The following MARCO variants were observed in gnomAD, a reference collection of about 807,000 sequenced individuals.
MARCO encodes macrophage receptor MARCO.
A neutral mutation model predicts 70.0 loss-of-function variants in MARCO; 72 were observed. That is an observed-to-expected ratio of 1.03 (90% CI 0.85 to 1.25). The LOEUF (loss-of-function observed/expected upper bound fraction) is 1.25, where lower values mean the gene tolerates loss of function less well. MARCO is among the 50% of genes most tolerant of loss of function. MARCO has a pLI of 0.00. For synonymous variants in MARCO, 273 were observed against 243.1 expected, an observed-to-expected ratio of 1.12 and a Z score of -1.14; for missense variants, 696 against 659.3, an observed-to-expected ratio of 1.06 and a Z score of -0.61.
Position 118,971,375 on chromosome 2 carries a change from A to G in MARCO, c.425-124A>G, listed in dbSNP as rs1680167304. 4 of 923,200 alleles carry G rather than the reference A, an allele frequency of 4.3e-6. No individual in the cohort carries two copies. In the Admixed American group the frequency reaches 5.9e-5, roughly 14 times the overall value. The allele number at this position is 923,200 out of a possible 1,614,324, so 57.2% of individuals were successfully genotyped here. A position where few individuals can be genotyped will look rare whatever the true frequency, so the allele number is the denominator to read the frequency against. ...TGGCTCCTGTTGTCCAAACCCCCAC[A>G]GTCTGATGGGAGCCCCACACAGGAG... is the stretch of plus-strand genomic sequence containing the variant. On this transcript the variant is annotated intron_variant, in intron 3 of 16. Coordinates refer to ENST00000327097, the MANE Select transcript of MARCO (RefSeq NM_006770.4).
At chr2:118,964,449 C>CT (rs925566977) in intron 1 of MARCO, among the ~76,000 whole-genome samples, 1 of 152,130 alleles carries the variant, frequency 6.6e-6, no homozygotes, top group Non-Finnish European at 1.5e-5. Context: ...CTGAGAGTGT[C>CT]TTTATTTCTT....
chr2:118,944,925 G>A (rs1679567419), intron 1 of MARCO: 2 of 152,160 alleles, frequency 1.3e-5, no homozygotes, highest in South Asian at 4.1e-4. Context: ...CTAGAATTAA[G>A]GTACTCTTTC....
chr2:118,946,814 C>T (rs1679609886), intron 1 of MARCO, among the ~76,000 whole-genome samples: 1 of 152,220 alleles, frequency 6.6e-6, no homozygotes, highest in Non-Finnish European at 1.5e-5. Context: ...TCTGCAACCT[C>T]GTCAACATTT....
At chr2:118,947,908 C>G (rs1031638108) in intron 1 of MARCO, among the ~76,000 whole-genome samples, 5 of 152,246 alleles carry the variant, frequency 3.3e-5, no homozygotes, top group Non-Finnish European at 7.4e-5. Flanking sequence ...TTGTGTTACA[C>G]CTATAGATAA....
Position 118,994,567 on chromosome 2 carries a change from ATATG to A in MARCO, c.*49_*52del. 1 of 1,520,700 alleles carries A rather than the reference ATATG, an allele frequency of 6.6e-7. No homozygotes were observed. Among genetic ancestry groups the A allele is most frequent in the Non-Finnish European group, 8.8e-7 (1 of 1,136,736 alleles). The allele number at this position is 1,520,700 out of a possible 1,614,324, so 94.2% of individuals were successfully genotyped here. A position where few individuals can be genotyped will look rare whatever the true frequency, so the allele number is the denominator to read the frequency against. On this transcript the variant is annotated 3_prime_UTR_variant, in exon 17 of 17. Coordinates refer to ENST00000327097, the MANE Select transcript of MARCO (RefSeq NM_006770.4). ...CTGCTCCCGAGGTGTCCTCGGGCTC[ATATG>A]TGGGAAGGCAGAGGATCTCTGAGGA...
At position 118,989,479 on chromosome 2, in the gene MARCO, G is replaced by C. The variant is rs190923237; in HGVS notation, c.1064-1110G>C. Among the ~76,000 whole-genome samples the C allele has an allele frequency of 2.4e-3, 366 of 152,256 alleles. 1 individual carries two copies. The highest frequency in any genetic ancestry group is 7.9e-3 in the African/African-American group (329 of 41,536). On this transcript the variant is annotated intron_variant, in intron 12 of 16. Transcript: ENST00000327097. ...CTTAGCTCTCCAGCCCTCCTCCCCA[G>C]GCAGCACCAGGCCTGGAGGTGGGAT...
At chr2:118,951,035 CT>C (rs1296466685) in intron 1 of MARCO, among the ~76,000 whole-genome samples, 2 of 152,212 alleles carry the variant, frequency 1.3e-5, no homozygotes, top group Admixed American at 1.3e-4. Flanking sequence ...CTATAGATGA[CT>C]CCTTCCTGAA....
At position 118,981,602 on chromosome 2, in the gene MARCO, A is replaced by G. The variant is rs1680393524; in HGVS notation, c.866-19A>G. On this transcript the variant is annotated intron_variant, in intron 9 of 16. Coordinates refer to ENST00000327097, the MANE Select transcript of MARCO (RefSeq NM_006770.4). ...AGCCAAAGGAAAAAAAAATTCCTAA[A>G]AGTTCTTTTTCATCTTAGGTTTGGC... is the stretch of plus-strand genomic sequence containing the variant. 1 of 1,611,842 alleles carries G rather than the reference A, an allele frequency of 6.2e-7. No homozygotes were observed.
chr2:118,979,588 GT>G (rs1194898335), intron 8 of MARCO, among the ~76,000 whole-genome samples: 11 of 152,310 alleles, frequency 7.2e-5, no homozygotes, highest in Non-Finnish European at 1.0e-4. Flanking sequence ...CTGAGTCTGA[GT>G]TATGCAGCTT....
Position 118,970,105 on chromosome 2 carries a change from G to A in MARCO, c.200-9G>A. On this transcript the variant is annotated splice_polypyrimidine_tract_variant and intron_variant, in intron 2 of 16. Coordinates refer to ENST00000327097, the MANE Select transcript of MARCO (RefSeq NM_006770.4). Reference sequence around the variant, plus strand: ...AGTCCCTAAAAGAATGCTGTGGGGTGGGGCCCAGTTCTGAATCTGCAGGCG... The same window carrying A: ...AGTCCCTAAAAGAATGCTGTGGGGTAGGGCCCAGTTCTGAATCTGCAGGCG... 1 of 1,611,274 alleles carries A rather than the reference G, an allele frequency of 6.2e-7. No homozygotes were observed. Among genetic ancestry groups the A allele is most frequent in the Non-Finnish European group, 8.5e-7 (1 of 1,177,744 alleles).
chr2:118,957,578 A>G (rs1284914326), intron 1 of MARCO, among the ~76,000 whole-genome samples: 1 of 152,098 alleles, frequency 6.6e-6, no homozygotes, highest in Non-Finnish European at 1.5e-5. Flanking sequence ...CAGACATTAA[A>G]AGAAGAATAC....
chr2:118,955,750 A>C (rs968973348), intron 1 of MARCO, among the ~76,000 whole-genome samples: 6 of 152,214 alleles, frequency 3.9e-5, no homozygotes, highest in Non-Finnish European at 7.3e-5. Context: ...TTAACAGCAG[A>C]TTTCTCAGCA....
rs556698335 is a variant in MARCO, at chr2:118,957,228, T to TAGA, written c.98-11931_98-11929dup. 3.1e-3 allele frequency among the ~76,000 whole-genome samples: 470 copies of TAGA among 151,968 alleles called. 6 individuals carry two copies. The highest frequency in any genetic ancestry group is 0.017 in the Middle Eastern group (5 of 294). ...TTCTTTAAAATATAAACAAAATTGA[T>TAGA]AGACCGTTAACAAGATAAACGAAGG... On this transcript the variant is annotated intron_variant, in intron 1 of 16. Transcript: ENST00000327097.
chr2:118,973,714 T>G lies in MARCO; in HGVS notation c.461-619T>G, dbSNP rs568449166. ...ACTGGAGGCAGCCTGCCGGTGGAAC[T>G]GCCTTCCCACGCAGGCTGCCTGGAA... On this transcript the variant is annotated intron_variant, in intron 4 of 16. Coordinates refer to ENST00000327097, the MANE Select transcript of MARCO (RefSeq NM_006770.4). 2.0e-5 allele frequency among the ~76,000 whole-genome samples: 3 copies of G among 152,276 alleles called. No individual in the cohort carries two copies. The East Asian group carries it at 5.8e-4, about 29-fold the overall frequency.
At chr2:118,961,406 C>T (rs183750549) in intron 1 of MARCO, among the ~76,000 whole-genome samples, 30 of 152,318 alleles carry the variant, frequency 2.0e-4, no homozygotes, top group African/African-American at 7.2e-4. Context: ...TAATAATCCC[C>T]ATTCTGACTG....
At chr2:118,949,443 G>A (rs1679675851) in intron 1 of MARCO, 1 of 152,204 alleles carries the variant, frequency 6.6e-6, no homozygotes, top group African/African-American at 2.4e-5. Flanking sequence ...CATGAGGCGA[G>A]TCATAGTTTG....
At chr2:118,989,574 A>G (rs1387350884) in intron 12 of MARCO, among the ~76,000 whole-genome samples, 1 of 152,216 alleles carries the variant, frequency 6.6e-6, no homozygotes, top group Non-Finnish European at 1.5e-5. Flanking sequence ...GAGGTCTGCC[A>G]GCCCCTTGCC....
chr2:118,947,612 G>A (rs911269962), intron 1 of MARCO, among the ~76,000 whole-genome samples: 2 of 136,930 alleles, frequency 1.5e-5, no homozygotes, highest in Admixed American at 6.9e-5. Flanking sequence ...CTGTTGAATT[G>A]CTTTTACACC....
chr2:118,949,812 C>T (rs1478303941), intron 1 of MARCO: 1 of 152,164 alleles, frequency 6.6e-6, no homozygotes, highest in East Asian at 1.9e-4. Context: ...AGGTACGGTC[C>T]TTCCAAGGCT....
Sources: gnomAD v4.1 joint callset for allele counts (sites outside exome capture counted in the v4.1 genomes callset) on GRCh38, gnomAD v4.1.1 for gene constraint, MANE v1.5 for transcripts, NCBI Gene and HGNC (gene_info 2026-07-23, HGNC 2026-07-21) for gene names.